ALG9: variants seen among roughly 807,000 people sequenced by gnomAD.
The protein encoded by ALG9 is alpha-1,2-mannosyltransferase ALG9.
Under a neutral mutation model 81.8 loss-of-function variants are expected in ALG9, and 55 were observed. That is an observed-to-expected ratio of 0.67 (90% CI 0.54 to 0.84). The LOEUF (loss-of-function observed/expected upper bound fraction) is 0.84. ALG9 is among the 40% of genes least tolerant of loss of function. The pLI is 0.00. For synonymous variants in ALG9, 278 were observed against 274.3 expected (o/e 1.01, Z -0.13); for missense variants, 629 against 745.0 (o/e 0.84, Z 1.81).
At position 111,853,784 on chromosome 11, in the gene ALG9, G is replaced by A. The variant is rs782727579; in HGVS notation, c.702-48C>T. On this transcript the variant is annotated intron_variant, in intron 6 of 14. Coordinates refer to ENST00000616540, the MANE Select transcript of ALG9 (RefSeq NM_024740.2). Reference sequence around the variant, plus strand: ...GGGGAGTTAAATAAATACTGACAGAGACAAATCAGATTCACACATACCTCA... The same window carrying A: ...GGGGAGTTAAATAAATACTGACAGAAACAAATCAGATTCACACATACCTCA... 36 of 1,487,144 alleles carry A rather than the reference G, an allele frequency of 2.4e-5. 1 individual carries two copies. The Middle Eastern group carries it at 8.5e-4, about 35-fold the overall frequency. 92.1% of individuals were successfully genotyped at this position (1,487,144 alleles called of 1,614,324 possible).
chr11:111,828,871 T>G (rs1953838868), intron 13 of ALG9: 1 of 152,206 alleles, frequency 6.6e-6, no homozygotes, highest in African/African-American at 2.4e-5. Context: ...AAAATCACCA[T>G]CAGCCTATTA....
chr11:111,864,835 T>C (rs1555151249), intron 4 of ALG9, among the ~76,000 whole-genome samples: 1 of 152,096 alleles, frequency 6.6e-6, no homozygotes, highest in African/African-American at 2.4e-5. Context: ...TGGAGTGCAA[T>C]GGCACAATCT....
intron 14 of ALG9, among the ~76,000 whole-genome samples, chr11:111,786,963 T>C (rs1430606168): frequency 2.0e-5 from 3 of 152,232 alleles, no homozygotes; most frequent in African/African-American, 7.2e-5. Flanking sequence ...CCTGGGTACC[T>C]GTGCATAGTG....
intron 4 of ALG9, among the ~76,000 whole-genome samples, chr11:111,861,084 A>AT (rs1959914783): frequency 6.6e-6 from 1 of 152,248 alleles, no homozygotes; most frequent in Admixed American, 6.5e-5. Context: ...AGTGCTTAGG[A>AT]GAGTGCCTGG....
chr11:111,809,523 C>T, intron 14 of ALG9, 120 bp downstream of exon 14: 3 of 1,204,456 alleles, frequency 2.5e-6, no homozygotes, highest in African/African-American at 1.5e-5. Context: ...CCATTACACA[C>T]ACACACACAC....
intron 8 of ALG9, among the ~76,000 whole-genome samples, chr11:111,851,338 G>A (rs999122135): frequency 6.6e-6 from 1 of 152,120 alleles, no homozygotes; most frequent in Non-Finnish European, 1.5e-5. Flanking sequence ...AATTAGAAGG[G>A]TGTGGTGGCG....
chr11:111,817,039 A>T (rs1951590304), intron 13 of ALG9, among the ~76,000 whole-genome samples: 1 of 152,234 alleles, frequency 6.6e-6, no homozygotes, highest in Non-Finnish European at 1.5e-5. Context: ...GGAAAAAGAC[A>T]TAAAGGAGCA....
intron 13 of ALG9, among the ~76,000 whole-genome samples, chr11:111,826,989 T>TC (rs1953428072): frequency 1.3e-5 from 2 of 152,218 alleles, no homozygotes; most frequent in Non-Finnish European, 2.9e-5. Flanking sequence ...ATTTTTAATT[T>TC]CTAGCAGCTC....
the ALG9 span, among the ~76,000 whole-genome samples, chr11:111,772,017 C>T: frequency 1.3e-5 from 2 of 152,228 alleles, no homozygotes; most frequent in Non-Finnish European, 2.9e-5. Flanking sequence ...ATTATTGCTA[C>T]TCCCTCCTCC....
In ALG9 at chr11:111,794,176, C is replaced by T. The variant is rs547291652; in HGVS notation, c.1734-7656G>A. 9.2e-5 allele frequency among the ~76,000 whole-genome samples: 14 copies of T among 152,304 alleles called. No homozygotes were observed. The East Asian group carries it at 2.3e-3, about 25-fold the overall frequency. ...GGAGATTTAAATCTGCTCTTGCTGA[C>T]GTCAATGAATGACTGGCTGCCAGTC... On this transcript the variant is annotated intron_variant, in intron 14 of 14. Coordinates refer to ENST00000616540, the MANE Select transcript of ALG9 (RefSeq NM_024740.2).
intron 14 of ALG9, among the ~76,000 whole-genome samples, chr11:111,795,509 C>T (rs1432561976): frequency 6.6e-6 from 1 of 152,108 alleles, no homozygotes; most frequent in Non-Finnish European, 1.5e-5. Context: ...CGCAGGTGGC[C>T]GTTTACACAG....
At chr11:111,860,727 A>G in intron 4 of ALG9, 92 bp from the exon 5 acceptor site, 1 of 950,862 alleles carries the variant, frequency 1.1e-6, no homozygotes, top group Non-Finnish European at 1.6e-6. Context: ...GATAACACTG[A>G]AGATCTAAAG....
At chr11:111,778,889 G>A (rs1027630288), downstream of ALG9, among the ~76,000 whole-genome samples, 44 of 150,370 alleles carry the variant, frequency 2.9e-4, no homozygotes, top group South Asian at 2.1e-4. Flanking sequence ...ACCTTGGTTC[G>A]CCGCAACCTC....
intron 13 of ALG9, among the ~76,000 whole-genome samples, chr11:111,833,507 A>T (rs537879487): frequency 4.6e-5 from 7 of 152,356 alleles, no homozygotes; most frequent in African/African-American, 1.7e-4. Flanking sequence ...AGGTAAAGAA[A>T]ATAGTGAAAT....
At chr11:111,841,044 T>C (rs1956141487) in intron 9 of ALG9, among the ~76,000 whole-genome samples, 1 of 152,150 alleles carries the variant, frequency 6.6e-6, no homozygotes, top group Admixed American at 6.5e-5. Context: ...AATACTAGAT[T>C]TGGTTAGGAC....
At chr11:111,834,762 G>C (rs1954951156) in intron 13 of ALG9, among the ~76,000 whole-genome samples, 1 of 152,098 alleles carries the variant, frequency 6.6e-6, no homozygotes, top group Non-Finnish European at 1.5e-5. Flanking sequence ...TGACTGTCCA[G>C]CTTCTCTAGA....
chr11:111,850,262 C>T (rs1427295582), intron 8 of ALG9, among the ~76,000 whole-genome samples: 1 of 152,142 alleles, frequency 6.6e-6, no homozygotes, highest in Non-Finnish European at 1.5e-5. Context: ...ACTAATGTAA[C>T]CCAATGGATA....
chr11:111,860,764 T>G (rs1959797536), intron 4 of ALG9, 129 bp from the exon 5 acceptor site: 3 of 688,328 alleles, frequency 4.4e-6, no homozygotes, highest in Non-Finnish European at 5.0e-6. Context: ...CTTGTCAGGT[T>G]TGTTAGCAAT....
At chr11:111,806,729 C>T (rs1555085645) in intron 14 of ALG9, among the ~76,000 whole-genome samples, 2 of 152,102 alleles carry the variant, frequency 1.3e-5, no homozygotes, top group African/African-American at 4.8e-5. Context: ...CAGACTTCCC[C>T]CTTGAACTCT....
Sources: allele counts gnomAD v4.1 joint callset (sites outside exome capture counted in the v4.1 genomes callset), GRCh38; gene constraint gnomAD v4.1.1; transcripts MANE v1.5; gene names NCBI Gene and HGNC (gene_info 2026-07-23, HGNC 2026-07-21).